RASSF6: variants seen among roughly 807,000 people sequenced by gnomAD.
RASSF6 encodes the protein ras association domain-containing protein 6.
In RASSF6, 52 loss-of-function variants were observed where a neutral mutation model predicts 44.0. That is an observed-to-expected ratio of 1.18 (90% CI 0.95 to 1.49). The LOEUF is 1.49. Among genes scored for constraint, RASSF6 ranks in the 40% most tolerant of loss-of-function variants. The pLI is 0.00. For synonymous variants in RASSF6, 162 were observed against 124.6 expected (o/e 1.30, Z -2.00); for missense variants, 464 against 393.3 (o/e 1.18, Z -1.52).
At chr4:73,620,552 C>G, upstream of RASSF6, 1 of 1,310,634 alleles carries the variant, frequency 7.6e-7, no homozygotes, top group Non-Finnish European at 1.0e-6. Flanking sequence ...ATCCTGGAGC[C>G]CCAGGAGCTG....
Position 73,584,334 on chromosome 4 carries a change from T to C in RASSF6, c.567+846A>G, listed in dbSNP as rs114487957. On this transcript the variant is annotated intron_variant, in intron 6 of 10. Coordinates refer to ENST00000307439, the MANE Select transcript of RASSF6 (RefSeq NM_177532.5). ...TACCTGGCACAGTGTAAGTGCTAAGTATTTATGAGATGGAGCGATGAATGA... is the reference window on the plus strand; with the variant it reads ...TACCTGGCACAGTGTAAGTGCTAAGCATTTATGAGATGGAGCGATGAATGA... 7.1e-3 allele frequency among the ~76,000 whole-genome samples: 1,086 copies of C among 152,222 alleles called. 6 individuals are homozygous for C. Among genetic ancestry groups the C allele is most frequent in the Admixed American group, 0.012 (189 of 15,280 alleles).
At chr4:73,602,984 A>G (rs1450747238) in intron 2 of RASSF6, among the ~76,000 whole-genome samples, 1 of 152,080 alleles carries the variant, frequency 6.6e-6, no homozygotes. Context: ...GCTACTCAGG[A>G]GGCTGAGGCA....
chr4:73,599,709 TA>T (rs1310516900), intron 2 of RASSF6, among the ~76,000 whole-genome samples: 1 of 152,230 alleles, frequency 6.6e-6, no homozygotes, highest in Non-Finnish European at 1.5e-5. Flanking sequence ...AGCCTCCCTG[TA>T]TCTGTTGTTT....
chr4:73,584,201 C>G (rs910953477), intron 6 of RASSF6, among the ~76,000 whole-genome samples: 1 of 152,042 alleles, frequency 6.6e-6, no homozygotes, highest in African/African-American at 2.4e-5. Flanking sequence ...CAAAGACACA[C>G]TATCGTTACC....
At chr4:73,613,763 C>T (rs1193642556) in intron 1 of RASSF6, among the ~76,000 whole-genome samples, 3 of 152,132 alleles carry the variant, frequency 2.0e-5, no homozygotes, top group Non-Finnish European at 4.4e-5. Flanking sequence ...ATAACAATCA[C>T]CTCACTCTAT....
At chr4:73,584,022 GATA>G (rs768854117) in intron 6 of RASSF6, among the ~76,000 whole-genome samples, 1 of 152,018 alleles carries the variant, frequency 6.6e-6, no homozygotes, top group Non-Finnish European at 1.5e-5. Flanking sequence ...TACCCCACAA[GATA>G]ATGACATACA....
At chr4:73,609,516 GGACCTCTTATTTTACT>G (rs1470741136) in intron 2 of RASSF6, among the ~76,000 whole-genome samples, 1 of 151,984 alleles carries the variant, frequency 6.6e-6, no homozygotes, top group Non-Finnish European at 1.5e-5. Flanking sequence ...ATTAATATCA[GGACCTCTTATTTTACT>G]GATCATATGC....
In RASSF6 at chr4:73,572,903, G is replaced by T. The variant is rs1183088356; in HGVS notation, c.*3332C>A. On this transcript the variant is annotated 3_prime_UTR_variant, in exon 11 of 11. Transcript: ENST00000307439. ...CATTTTTAACATGTTTTTATTTCTT[G>T]TGTGTATATATATGCAAATATTAGT... 6.6e-6 allele frequency: 1 copy of T among 151,812 alleles called. No individual in the cohort carries two copies. Among genetic ancestry groups the T allele is most frequent in the East Asian group, 1.9e-4 (1 of 5,182 alleles). The allele number at this position is 151,812 out of a possible 1,614,324, so 9.4% of individuals were successfully genotyped here.
intron 2 of RASSF6, among the ~76,000 whole-genome samples, chr4:73,606,953 C>T (rs115517889): frequency 1.1e-4 from 16 of 152,250 alleles, no homozygotes; most frequent in African/African-American, 3.4e-4. Flanking sequence ...ATTCCCAGGG[C>T]CATCAACCTG....
chr4:73,606,392 C>A (rs1725636931), intron 2 of RASSF6, among the ~76,000 whole-genome samples: 1 of 152,152 alleles, frequency 6.6e-6, no homozygotes, highest in Non-Finnish European at 1.5e-5. Flanking sequence ...AAGATGGGAA[C>A]AATGAGCACT....
chr4:73,615,783 G>A, intron 1 of RASSF6: 1 of 849,056 alleles, frequency 1.2e-6, no homozygotes, highest in Non-Finnish European at 1.9e-6. Context: ...TCTGGATGGA[G>A]CCTGAGGAGG....
chr4:73,605,610 A>G (rs1049332011), intron 2 of RASSF6, among the ~76,000 whole-genome samples: 29 of 152,328 alleles, frequency 1.9e-4, no homozygotes, highest in African/African-American at 6.3e-4. Flanking sequence ...TTTGCAAATG[A>G]AGGGACTGAG....
At chr4:73,608,033 C>T (rs1444540927) in intron 2 of RASSF6, among the ~76,000 whole-genome samples, 1 of 116,722 alleles carries the variant, frequency 8.6e-6, no homozygotes, top group Non-Finnish European at 1.8e-5. Context: ...CATCCCCTCC[C>T]CTCCCCTCCC....
chr4:73,604,590 G>A (rs1213985753), intron 2 of RASSF6: 1 of 152,214 alleles, frequency 6.6e-6, no homozygotes, highest in Non-Finnish European at 1.5e-5. Context: ...GTGAAAAACT[G>A]AGGAAGAAAA....
chr4:73,588,766 T>C (rs183270836), intron 4 of RASSF6, among the ~76,000 whole-genome samples: 1 of 140,608 alleles, frequency 7.1e-6, no homozygotes, highest in Non-Finnish European at 1.6e-5. Flanking sequence ...ATAATTATAA[T>C]TATCCTCATC....
intron 3 of RASSF6, among the ~76,000 whole-genome samples, chr4:73,597,441 C>T (rs1725004395): frequency 6.6e-6 from 1 of 152,106 alleles, no homozygotes. Flanking sequence ...TCACACCAGT[C>T]AGAATGTCTA....
chr4:73,578,998 T>A (rs1723432548), intron 8 of RASSF6, among the ~76,000 whole-genome samples: 1 of 152,170 alleles, frequency 6.6e-6, no homozygotes. Flanking sequence ...ACTCCATACC[T>A]TTCTCCCTAG....
At chr4:73,589,232 C>G (rs1724343645) in intron 4 of RASSF6, among the ~76,000 whole-genome samples, 1 of 152,044 alleles carries the variant, frequency 6.6e-6, no homozygotes, top group Admixed American at 6.6e-5. Context: ...TGTCATAAAG[C>G]CCAACTACAG....
rs1247662 is a variant in RASSF6 at position 73,575,473 on chromosome 4, A to G, written c.*762T>C. 150,837 of 152,152 alleles carry G rather than the reference A, an allele frequency of 0.99. 74,780 individuals are homozygous for G. The highest frequency in any genetic ancestry group is 1 in the Middle Eastern group (294 of 294). 9.4% of individuals were successfully genotyped at this position (152,152 alleles called of 1,614,324 possible). A position where few individuals can be genotyped will look rare whatever the true frequency, so the allele number is the denominator to read the frequency against. On this transcript the variant is annotated 3_prime_UTR_variant, in exon 11 of 11. Coordinates refer to ENST00000307439, the MANE Select transcript of RASSF6 (RefSeq NM_177532.5). ...AATAGGTATTTGTGGGCCAAGTCTT[A>G]CTTTAGCCGATGTAATATGTCTATG...
Sources: allele counts gnomAD v4.1 joint callset (sites outside exome capture counted in the v4.1 genomes callset), GRCh38; gene constraint gnomAD v4.1.1; transcripts MANE v1.5; gene names NCBI Gene and HGNC (gene_info 2026-07-23, HGNC 2026-07-21).